The following ENTPD1 variants were observed in gnomAD, a reference collection of about 807,000 sequenced individuals.
The protein encoded by ENTPD1 is ectonucleoside triphosphate diphosphohydrolase 1.
Under a neutral mutation model 57.0 loss-of-function variants are expected in ENTPD1, and 33 were observed. The ratio of observed to expected loss-of-function variants is 0.58; its 90% CI spans 0.44 to 0.77. The LOEUF (loss-of-function observed/expected upper bound fraction) is 0.77. Ranked by LOEUF, ENTPD1 falls within the 30% of genes least tolerant of loss-of-function variation. The pLI is 0.00. For missense variants in ENTPD1, 501 were observed against 603.4 expected, an observed-to-expected ratio of 0.83 and a Z score of 1.78; for synonymous variants, 202 against 218.8, an observed-to-expected ratio of 0.92 and a Z score of 0.68.
At chr10:95,777,645 T>G (rs891684477) in intron 1 of ENTPD1, among the ~76,000 whole-genome samples, 10 of 152,238 alleles carry the variant, frequency 6.6e-5, no homozygotes, top group Non-Finnish European at 1.3e-4. Flanking sequence ...GTCTGTTCTC[T>G]GAGCTCAAAC....
intron 1 of ENTPD1, among the ~76,000 whole-genome samples, chr10:95,772,611 T>G (rs2098119380): frequency 6.6e-6 from 1 of 152,216 alleles, no homozygotes; most frequent in South Asian, 2.1e-4. Flanking sequence ...TTTCCATCAC[T>G]TCTGTAGTCA....
chr10:95,861,555 G>A (rs1424368347), intron 8 of ENTPD1: 1 of 152,148 alleles, frequency 6.6e-6, no homozygotes, highest in Admixed American at 6.5e-5. Flanking sequence ...TTCTCTCCAG[G>A]TATTTTGTCT....
At chr10:95,705,974 C>CTA in the ENTPD1 span, among the ~76,000 whole-genome samples, 1 of 152,056 alleles carries the variant, frequency 6.6e-6, no homozygotes, top group African/African-American at 2.4e-5. Flanking sequence ...TGGCATGCAC[C>CTA]TATAGGTCCA....
upstream of ENTPD1, among the ~76,000 whole-genome samples, chr10:95,708,677 G>A (rs147259256): frequency 0.015 from 2,257 of 152,268 alleles, 28 homozygotes; most frequent in Middle Eastern, 0.044. Flanking sequence ...GCAAGAATGA[G>A]GTAGTTCTTT....
chr10:95,705,689 G>A, the ENTPD1 span, among the ~76,000 whole-genome samples: 2 of 152,222 alleles, frequency 1.3e-5, no homozygotes, highest in South Asian at 2.1e-4. Flanking sequence ...ATGGGGTTTC[G>A]CCATTTTGGC....
At chr10:95,796,435 A>G (rs1240646392) in intron 1 of ENTPD1, among the ~76,000 whole-genome samples, 4 of 152,198 alleles carry the variant, frequency 2.6e-5, no homozygotes, top group East Asian at 3.8e-4. Context: ...AGTTAGTTAG[A>G]TAAATAAGAG....
intron 1 of ENTPD1, among the ~76,000 whole-genome samples, chr10:95,758,570 ACT>A (rs1018512790): frequency 1.3e-5 from 2 of 152,156 alleles, no homozygotes; most frequent in African/African-American, 4.8e-5. Flanking sequence ...CACTCATCAT[ACT>A]TGTCCATGCT....
At chr10:95,695,738 A>G in the ENTPD1 span, among the ~76,000 whole-genome samples, 1 of 152,224 alleles carries the variant, frequency 6.6e-6, no homozygotes, top group Admixed American at 6.5e-5. Context: ...AATTCCAAAA[A>G]TAGTGAGTTT....
At chr10:95,819,950 A>T (rs2098343302) in intron 1 of ENTPD1, among the ~76,000 whole-genome samples, 1 of 152,212 alleles carries the variant, frequency 6.6e-6, no homozygotes, top group Admixed American at 6.5e-5. Context: ...TTTCAGGGGG[A>T]AGACAATCAA....
chr10:95,770,597 A>G (rs1393781990), intron 1 of ENTPD1, among the ~76,000 whole-genome samples: 1 of 152,164 alleles, frequency 6.6e-6, no homozygotes, highest in Non-Finnish European at 1.5e-5. Flanking sequence ...GCCAGGAAGT[A>G]TGGTCTTTTT....
intron 1 of ENTPD1, among the ~76,000 whole-genome samples, chr10:95,772,096 A>G (rs2098117677): frequency 6.6e-6 from 1 of 152,190 alleles, no homozygotes; most frequent in Admixed American, 6.5e-5. Context: ...AAAATACTTT[A>G]TTGCTAAAAA....
chr10:95,872,017 C>G lies in ENTPD1; in HGVS notation c.*5634C>G. 1 of 985,400 alleles carries G rather than the reference C, an allele frequency of 1.0e-6. No homozygotes were observed. The highest frequency in any genetic ancestry group is 1.2e-6 in the Non-Finnish European group (1 of 829,920). The allele number at this position is 985,400 out of a possible 1,614,324, so 61.0% of individuals were successfully genotyped here. A position where few individuals can be genotyped will look rare whatever the true frequency, so the allele number is the denominator to read the frequency against. The stretch of plus-strand genomic sequence containing the variant: ...TGTGTTTTACATGATTAATGCCACC[C>G]CTGCCTCAATGAACCAAGATCAGCT... On this transcript the variant is annotated 3_prime_UTR_variant, in exon 10 of 10. Coordinates refer to ENST00000371205, the MANE Select transcript of ENTPD1 (RefSeq NM_001776.6).
chr10:95,698,540 A>C, the ENTPD1 span, among the ~76,000 whole-genome samples: 1 of 152,230 alleles, frequency 6.6e-6, no homozygotes, highest in African/African-American at 2.4e-5. Flanking sequence ...CAAGGGAAGA[A>C]AGATCCCAAA....
At chr10:95,743,763 C>A (rs2098002850) in intron 1 of ENTPD1, among the ~76,000 whole-genome samples, 2 of 149,958 alleles carry the variant, frequency 1.3e-5, no homozygotes, top group Admixed American at 6.6e-5. Flanking sequence ...TCATTGTAAG[C>A]TTTTTTTTTC....
the ENTPD1 span, among the ~76,000 whole-genome samples, chr10:95,698,798 A>T: frequency 6.6e-6 from 1 of 152,222 alleles, no homozygotes; most frequent in Non-Finnish European, 1.5e-5. Context: ...GTATTCTGTT[A>T]TAAGCAACAG....
At chr10:95,704,648 A>G in the ENTPD1 span, among the ~76,000 whole-genome samples, 3 of 152,204 alleles carry the variant, frequency 2.0e-5, no homozygotes, top group African/African-American at 4.8e-5. Context: ...TCAATTTTAC[A>G]TAGATTTTAT....
At chr10:95,841,994 G>C (rs1459092129) in intron 3 of ENTPD1, among the ~76,000 whole-genome samples, 1 of 152,206 alleles carries the variant, frequency 6.6e-6, no homozygotes, top group East Asian at 1.9e-4. Context: ...TTAGGAACTA[G>C]TGTCATTAAT....
chr10:95,859,131 T>C (rs1287821947), intron 7 of ENTPD1, among the ~76,000 whole-genome samples: 1 of 152,210 alleles, frequency 6.6e-6, no homozygotes, highest in East Asian at 1.9e-4. Context: ...ACACTTATGT[T>C]ATTAGATATA....
intron 6 of ENTPD1, 139 bp downstream of exon 6, chr10:95,845,735 G>C: frequency 1.4e-6 from 2 of 1,442,168 alleles, no homozygotes; most frequent in Non-Finnish European, 1.9e-6. Context: ...GCAGGATATT[G>C]AACTACATCT....
Sources: allele counts gnomAD v4.1 joint callset (sites outside exome capture counted in the v4.1 genomes callset), GRCh38; gene constraint gnomAD v4.1.1; transcripts MANE v1.5; gene names NCBI Gene and HGNC (gene_info 2026-07-23, HGNC 2026-07-21).